ZNF429: variants seen among roughly 807,000 people sequenced by gnomAD.
ZNF429 encodes zinc finger protein 429.
ZNF429 carries 53 observed loss-of-function variants against 56.8 expected under a neutral mutation model. That is an observed-to-expected ratio of 0.93 (90% CI 0.75 to 1.17). ZNF429 has a LOEUF of 1.17. ZNF429 is among the 50% of genes most tolerant of loss of function. The pLI, the probability that ZNF429 is intolerant of heterozygous loss-of-function variation, is 0.00. For synonymous variants in ZNF429, 278 were observed against 264.7 expected (o/e 1.05, Z -0.49); for missense variants, 849 against 788.4 (o/e 1.08, Z -0.92).
chr19:21,517,583 G>A (rs1290524097), intron 1 of ZNF429, among the ~76,000 whole-genome samples: 2 of 151,876 alleles, frequency 1.3e-5, no homozygotes, highest in African/African-American at 4.8e-5. Context: ...TTGGCTGGTA[G>A]GCTATTTACT....
Position 21,539,529 on chromosome 19 carries a change from C to T in ZNF429, c.*1451C>T, listed in dbSNP as rs977040897. Among the ~76,000 whole-genome samples the T allele has an allele frequency of 6.6e-6, 1 of 151,916 alleles. No individual in the cohort carries two copies. Among genetic ancestry groups the T allele is most frequent in the African/African-American group, 2.4e-5 (1 of 41,408 alleles). On this transcript the variant is annotated 3_prime_UTR_variant, in exon 4 of 4. Coordinates refer to ENST00000358491, the MANE Select transcript of ZNF429 (RefSeq NM_001001415.4). ...CTTCGACCTTTGGGTTCAAGCAGTTCTCCTGCCACAGCCTCCTGAGTAGCT... is the reference window on the plus strand; with the variant it reads ...CTTCGACCTTTGGGTTCAAGCAGTTTTCCTGCCACAGCCTCCTGAGTAGCT...
chr19:21,513,481 T>A (rs1015492678), intron 1 of ZNF429, among the ~76,000 whole-genome samples: 2 of 152,132 alleles, frequency 1.3e-5, no homozygotes, highest in Admixed American at 6.5e-5. Context: ...CCCATGGGGT[T>A]TGTGACTGGC....
chr19:21,517,406 T>G (rs2032795329), intron 1 of ZNF429, among the ~76,000 whole-genome samples: 1 of 152,160 alleles, frequency 6.6e-6, no homozygotes, highest in South Asian at 2.1e-4. Context: ...TTCTTTTTTT[T>G]GTTTTATGTT....
chr19:21,535,805 G>A, intron 3 of ZNF429, among the ~76,000 whole-genome samples: 29 of 151,998 alleles, frequency 1.9e-4, no homozygotes, highest in South Asian at 4.1e-4. Flanking sequence ...GAGCCACCGC[G>A]CCTGACCAAA....
intron 1 of ZNF429, among the ~76,000 whole-genome samples, chr19:21,523,568 A>T (rs963090151): frequency 2.6e-5 from 4 of 152,262 alleles, no homozygotes; most frequent in Non-Finnish European, 2.9e-5. Context: ...CTAACGATGT[A>T]CACTCAATCA....
chr19:21,535,371 T>C lies in ZNF429; in HGVS notation c.227-909T>C. Among the ~76,000 whole-genome samples the C allele has an allele frequency of 6.5e-4, 56 of 86,676 alleles. 2 individuals carry two copies. The highest frequency in any genetic ancestry group is 1.3e-3 in the African/African-American group (27 of 20,064). The allele number at this position is 86,676 out of a possible 152,430, so 56.9% of individuals were successfully genotyped here. A position where few individuals can be genotyped will look rare whatever the true frequency, so the allele number is the denominator to read the frequency against. ...TTCCTTTCTTTTCTTCTTTCTTTCT[T>C]TCTTTCTTTTTTACTTTCTTTCTTT... On this transcript the variant is annotated intron_variant, in intron 3 of 3. Coordinates refer to ENST00000358491, the MANE Select transcript of ZNF429 (RefSeq NM_001001415.4).
At chr19:21,536,245 A>G in intron 3 of ZNF429, 35 bp from the exon 4 acceptor site, 2 of 1,527,450 alleles carry the variant, frequency 1.3e-6, no homozygotes, top group Non-Finnish European at 1.8e-6. Context: ...TGAGTCTAGT[A>G]AGTGAAGTAA....
rs1272384933 is a variant in ZNF429 at position 21,537,772 on chromosome 19, T to C, written c.1719T>C (p.Ala573=). 2 of 1,611,942 alleles carry C rather than the reference T, an allele frequency of 1.2e-6. No homozygotes were observed. Among genetic ancestry groups the C allele is most frequent in the Admixed American group, 1.7e-5 (1 of 59,776 alleles). Residue 573 remains alanine (A), a synonymous_variant, in exon 4 of 4, where the codon GCT becomes GCC. Transcript: ENST00000358491. Reference sequence around the variant, plus strand: ...ACAAATGTAAACAATGTGACAAAGCTTTTACCCACTCCTCAAACCTTAGTA... The same window carrying C: ...ACAAATGTAAACAATGTGACAAAGCCTTTACCCACTCCTCAAACCTTAGTA... ...KPYKCKQCDK[A]FTHSSNLSSH...
At chr19:21,506,234 A>C (rs1238156767) in intron 1 of ZNF429, among the ~76,000 whole-genome samples, 1 of 152,170 alleles carries the variant, frequency 6.6e-6, no homozygotes, top group Non-Finnish European at 1.5e-5. Flanking sequence ...GGAGGCGGGC[A>C]GATCACTGAG....
chr19:21,512,903 ACT>A (rs1321103142), intron 1 of ZNF429, among the ~76,000 whole-genome samples: 1 of 148,620 alleles, frequency 6.7e-6, no homozygotes, highest in Non-Finnish European at 1.5e-5. Flanking sequence ...ATGGAGTCTC[ACT>A]CTGTCTTGCA....
At chr19:21,514,156 C>T (rs1258854840) in intron 1 of ZNF429, among the ~76,000 whole-genome samples, 1 of 152,180 alleles carries the variant, frequency 6.6e-6, no homozygotes, top group African/African-American at 2.4e-5. Flanking sequence ...TTTTCACCTA[C>T]ATAGTACTCT....
chr19:21,506,011 C>T (rs947297528), intron 1 of ZNF429: 2 of 385,872 alleles, frequency 5.2e-6, no homozygotes, highest in African/African-American at 4.2e-5. Context: ...GTAGCCCTGT[C>T]TGGGGAGCTC....
rs531427318 is a variant in ZNF429 at position 21,538,277 on chromosome 19, C to CAAAAAA, written c.*216_*221dup. Among the ~76,000 whole-genome samples the CAAAAAA allele has an allele frequency of 8.2e-4, 28 of 34,346 alleles. No homozygotes were observed. Among genetic ancestry groups the CAAAAAA allele is most frequent in the African/African-American group, 2.1e-3 (15 of 7,142 alleles). 22.5% of individuals were successfully genotyped at this position (34,346 alleles called of 152,430 possible). ...TGGGTGACAGAGCCAGACTCCATCT[C>CAAAAAA]AAAAAAAAAAAAAAAAAAAAAAGAA... On this transcript the variant is annotated 3_prime_UTR_variant, in exon 4 of 4. Coordinates refer to ENST00000358491, the MANE Select transcript of ZNF429 (RefSeq NM_001001415.4).
At chr19:21,523,049 T>C (rs914092214) in intron 1 of ZNF429, among the ~76,000 whole-genome samples, 2 of 152,176 alleles carry the variant, frequency 1.3e-5, no homozygotes, top group Non-Finnish European at 2.9e-5. Context: ...TCAATGACTC[T>C]TGTGTCTTCA....
At chr19:21,523,930 T>G (rs2145448974) in intron 1 of ZNF429, among the ~76,000 whole-genome samples, 1 of 152,060 alleles carries the variant, frequency 6.6e-6, no homozygotes, top group African/African-American at 2.4e-5. Context: ...GATCTGCACA[T>G]AAGGCCAGGC....
At chr19:21,515,002 G>A (rs761633985) in intron 1 of ZNF429, among the ~76,000 whole-genome samples, 22 of 149,028 alleles carry the variant, frequency 1.5e-4, no homozygotes, top group African/African-American at 2.7e-4. Context: ...GTGCAGTGGC[G>A]TGATCCCCGC....
In ZNF429 at chr19:21,535,343, C is replaced by CTTT; in HGVS notation, c.227-937_227-936insTTT. 4.3e-3 allele frequency among the ~76,000 whole-genome samples: 377 copies of CTTT among 88,036 alleles called. 20 individuals carry two copies. The highest frequency in any genetic ancestry group is 7.6e-3 in the African/African-American group (184 of 24,328). The allele number at this position is 88,036 out of a possible 152,430, so 57.8% of individuals were successfully genotyped here. A position where few individuals can be genotyped will look rare whatever the true frequency, so the allele number is the denominator to read the frequency against. On this transcript the variant is annotated intron_variant, in intron 3 of 3. Coordinates refer to ENST00000358491, the MANE Select transcript of ZNF429 (RefSeq NM_001001415.4). ...TCTTTCTTTCTCTTTTCTTTTCTTT[C>CTTT]CTTTCCTTTCTTTTCTTCTTTCTTT...
Position 21,529,643 on chromosome 19 carries a change from G to A in ZNF429, c.4-15G>A. On this transcript the variant is annotated splice_polypyrimidine_tract_variant and intron_variant, in intron 1 of 3. Coordinates refer to ENST00000358491, the MANE Select transcript of ZNF429 (RefSeq NM_001001415.4). ...TCTCTTTCTCTCTCCTTCTGTTGGT[G>A]TGTGTGTGTTTCAGGGACCATTGAC... 3.9e-6 allele frequency: 6 copies of A among 1,535,776 alleles called. No homozygotes were observed. Among genetic ancestry groups the A allele is most frequent in the Non-Finnish European group, 4.4e-6 (5 of 1,139,742 alleles).
chr19:21,507,858 C>A (rs1167823170), intron 1 of ZNF429, among the ~76,000 whole-genome samples: 1 of 152,172 alleles, frequency 6.6e-6, no homozygotes, highest in Non-Finnish European at 1.5e-5. Context: ...GCCCGACTTT[C>A]CTTTCTTTGG....
Sources: allele counts gnomAD v4.1 joint callset (sites outside exome capture counted in the v4.1 genomes callset), GRCh38; gene constraint gnomAD v4.1.1; transcripts MANE v1.5; gene names NCBI Gene and HGNC (gene_info 2026-07-23, HGNC 2026-07-21).